The following ARHGEF11 variants were observed in gnomAD, a reference collection of about 807,000 sequenced individuals.
ARHGEF11 encodes Rho guanine exchange factor (GEF) 11.
In ARHGEF11, 55 loss-of-function variants were observed where a neutral mutation model predicts 193.7. The ratio of observed to expected loss-of-function variants is 0.28; its 90% CI spans 0.23 to 0.36. The LOEUF is 0.36. Ranked by LOEUF, ARHGEF11 falls within the 10% of genes least tolerant of loss-of-function variation. The pLI is 1.00. For missense variants in ARHGEF11, 1,723 were observed against 2,005.6 expected (o/e 0.86, Z 2.69); for synonymous variants, 693 against 768.0 (o/e 0.90, Z 1.62).
chr1:156,950,333 T>C (rs1003212226), intron 22 of ARHGEF11, among the ~76,000 whole-genome samples: 1 of 152,158 alleles, frequency 6.6e-6, no homozygotes, highest in African/African-American at 2.4e-5. Flanking sequence ...GTTTGATAAT[T>C]AGTTATTTCA....
chr1:156,942,079 C>T, intron 33 of ARHGEF11, 90 bp from the exon 34 acceptor site: 1 of 1,593,828 alleles, frequency 6.3e-7, no homozygotes, highest in Non-Finnish European at 8.6e-7. Flanking sequence ...ACAGGGCTTC[C>T]AGGCCCTAAG....
intron 1 of ARHGEF11, among the ~76,000 whole-genome samples, chr1:157,011,321 T>C (rs573322566): frequency 6.6e-6 from 1 of 152,264 alleles, no homozygotes; most frequent in East Asian, 1.9e-4. Flanking sequence ...TCACATCATA[T>C]ACAAGAATTA....
Position 156,944,416 on chromosome 1 carries a change from G to C in ARHGEF11, c.3009C>G (p.Thr1003=). 4 of 1,613,594 alleles carry C rather than the reference G, an allele frequency of 2.5e-6. No individual in the cohort carries two copies. The highest frequency in any genetic ancestry group is 3.4e-6 in the Non-Finnish European group (4 of 1,179,948). The change falls in exon 31 of 41, where the codon ACC becomes ACG. Residue 1003 remains threonine (T), a synonymous_variant. Transcript: ENST00000368194. ...GGGGTCCCTCATGGATCATTTTTCT[G>C]GTTGTAAGATCCAGGCTCTGTTAAG... The part of the protein sequence containing the change: ...AAEFKSLDLT[T]RKMIHEGPLT...
At chr1:156,947,992 G>A (rs1197990861) in intron 24 of ARHGEF11, 36 bp from the exon 25 acceptor site, 2 of 1,604,672 alleles carry the variant, frequency 1.2e-6, no homozygotes, top group Admixed American at 1.7e-5. Context: ...TCATTTAGGA[G>A]GAAGAACTCA....
Position 156,955,754 on chromosome 1 carries a change from G to A in ARHGEF11, c.1717C>T (p.Arg573Ter). ...CCAATGTATTTGAGGATAGGGTTTCGCTTCTTGTCCTCCAAGGCATCCTTT... is the reference window on the plus strand; with the variant it reads ...CCAATGTATTTGAGGATAGGGTTTCACTTCTTGTCCTCCAAGGCATCCTTT... ...KEKDALEDKK[R>*]NPILKYIGKP... Residue 573 changes from arginine to a stop codon, truncating the protein, a stop_gained, in exon 20 of 41, where the codon CGA (arginine) becomes TGA (stop). Transcript: ENST00000368194. LOFTEE classifies it high-confidence loss of function. 2 of 1,614,174 alleles carry A rather than the reference G, an allele frequency of 1.2e-6. No homozygotes were observed. The highest frequency in any genetic ancestry group is 1.7e-6 in the Non-Finnish European group (2 of 1,180,010).
intron 9 of ARHGEF11, 70 bp from the exon 10 acceptor site, chr1:156,969,428 G>T: frequency 7.0e-7 from 1 of 1,434,284 alleles, no homozygotes. Flanking sequence ...TTTATTCTGG[G>T]CACCTGTGTG....
chr1:157,009,151 C>A (rs1668250024), intron 1 of ARHGEF11, among the ~76,000 whole-genome samples: 1 of 152,192 alleles, frequency 6.6e-6, no homozygotes. Context: ...TTTTTAAAAA[C>A]CCAAGTGTCT....
chr1:157,045,836 C>A (rs1224837473), upstream of ARHGEF11, among the ~76,000 whole-genome samples: 1 of 151,152 alleles, frequency 6.6e-6, no homozygotes, highest in African/African-American at 2.4e-5. Flanking sequence ...GCCCCCCTTC[C>A]CTCCCTCCTT....
At chr1:156,996,047 T>C (rs1465668688) in intron 1 of ARHGEF11, among the ~76,000 whole-genome samples, 1 of 152,188 alleles carries the variant, frequency 6.6e-6, no homozygotes, top group Non-Finnish European at 1.5e-5. Flanking sequence ...AGAAACATTT[T>C]TGAGTGACCT....
intron 1 of ARHGEF11, among the ~76,000 whole-genome samples, chr1:157,042,936 GGGTCAAAC>G (rs1466536781): frequency 6.6e-6 from 1 of 152,170 alleles, no homozygotes; most frequent in African/African-American, 2.4e-5. Context: ...CCCTTTCCAA[GGGTCAAAC>G]TGCAGAGAGG....
chr1:156,965,395 G>C (rs1264541275), intron 11 of ARHGEF11, among the ~76,000 whole-genome samples: 1 of 152,190 alleles, frequency 6.6e-6, no homozygotes, highest in Non-Finnish European at 1.5e-5. Context: ...GGGACCAGGA[G>C]AACTAAATTC....
At chr1:156,993,976 C>G (rs1014579097) in intron 1 of ARHGEF11, among the ~76,000 whole-genome samples, 2 of 152,158 alleles carry the variant, frequency 1.3e-5, no homozygotes, top group Non-Finnish European at 1.5e-5. Flanking sequence ...CCTTAGGGAT[C>G]CAATTCAGCA....
chr1:157,038,712 TG>T (rs1672374757), intron 1 of ARHGEF11, among the ~76,000 whole-genome samples: 1 of 152,178 alleles, frequency 6.6e-6, no homozygotes, highest in Admixed American at 6.5e-5. Flanking sequence ...TACAATAAAT[TG>T]GGGTATTCTT....
chr1:156,956,509 G>A lies in ARHGEF11; in HGVS notation c.1582C>T (p.Arg528Ter). 2 of 1,614,022 alleles carry A rather than the reference G, an allele frequency of 1.2e-6. No homozygotes were observed. Among genetic ancestry groups the A allele is most frequent in the Non-Finnish European group, 1.7e-6 (2 of 1,180,044 alleles). ...GCTGTGTTGGAAGGTCGTGCCTCTC[G>A]AAGACGGATCCCAGCATGGCTCATG... ...TYMSHAGIRL[R>*]EARPSNTAEK... The change falls in exon 19 of 41, where the codon CGA becomes TGA. Residue 528 changes from arginine (R) to a stop codon, truncating the protein, a stop_gained. Coordinates refer to ENST00000368194, the MANE Select transcript of ARHGEF11 (RefSeq NM_198236.3). LOFTEE classifies it high-confidence loss of function.
At chr1:157,018,371 C>A (rs185068301) in intron 1 of ARHGEF11, among the ~76,000 whole-genome samples, 1 of 151,940 alleles carries the variant, frequency 6.6e-6, no homozygotes, top group Admixed American at 6.6e-5. Context: ...CAGCCGGGCG[C>A]GGTGGCTCAT....
intron 1 of ARHGEF11, among the ~76,000 whole-genome samples, chr1:157,013,295 A>ACACACACACACACACACACC (rs1557952661): frequency 1.6e-4 from 24 of 149,930 alleles, no homozygotes; most frequent in Admixed American, 2.7e-4. Context: ...ACACACACAC[A>ACACACACACACACACACACC]CACACCAAGA....
At chr1:157,004,976 G>A (rs1176079771) in intron 1 of ARHGEF11, among the ~76,000 whole-genome samples, 1 of 152,228 alleles carries the variant, frequency 6.6e-6, no homozygotes, top group African/African-American at 2.4e-5. Flanking sequence ...TTACTCCCAA[G>A]ATCATAGAGA....
chr1:156,975,371 T>A (rs935684571), intron 7 of ARHGEF11, among the ~76,000 whole-genome samples: 9 of 152,248 alleles, frequency 5.9e-5, no homozygotes, highest in Non-Finnish European at 7.3e-5. Flanking sequence ...GACTGTCTAT[T>A]CAAATCCTTT....
intron 26 of ARHGEF11, 24 bp downstream of exon 26, chr1:156,947,280 T>A (rs1204581923): frequency 3.2e-6 from 5 of 1,585,438 alleles, no homozygotes; most frequent in Non-Finnish European, 3.4e-6. Flanking sequence ...AGAAGAGGAG[T>A]CTGGAGGGGC....
Sources: gnomAD v4.1 joint callset for allele counts (sites outside exome capture counted in the v4.1 genomes callset) on GRCh38, gnomAD v4.1.1 for gene constraint, MANE v1.5 for transcripts, NCBI Gene and HGNC (gene_info 2026-07-23, HGNC 2026-07-21) for gene names.